The following CSMD1 variants were observed in gnomAD, a reference collection of about 807,000 sequenced individuals.
The protein encoded by CSMD1 is CUB and sushi domain-containing protein 1.
In CSMD1, 213 loss-of-function variants were observed where a neutral mutation model predicts 417.5. The observed-to-expected ratio is 0.51, with a 90% CI of 0.46 to 0.57. The LOEUF is 0.57. CSMD1 is among the 20% of genes least tolerant of loss of function. CSMD1 has a pLI of 0.00. For synonymous variants in CSMD1, 2,862 were observed against 1,736.8 expected, an observed-to-expected ratio of 1.65 and a Z score of -16.11; for missense variants, 6,923 against 4,529.7, an observed-to-expected ratio of 1.53 and a Z score of -15.17.
intron 3 of CSMD1, among the ~76,000 whole-genome samples, chr8:4,091,361 C>A (rs1800711623): frequency 6.6e-6 from 1 of 151,818 alleles, no homozygotes; most frequent in African/African-American, 2.4e-5. Flanking sequence ...TTGAAATGTC[C>A]ATGGAAGAAA....
chr8:3,557,720 C>G (rs1209478161), intron 10 of CSMD1, among the ~76,000 whole-genome samples: 2 of 152,166 alleles, frequency 1.3e-5, no homozygotes, highest in African/African-American at 2.4e-5. Context: ...ACAGCTTCCT[C>G]TACCTGTGGA....
chr8:4,113,061 C>A (rs754608129), intron 3 of CSMD1, among the ~76,000 whole-genome samples: 42 of 152,126 alleles, frequency 2.8e-4, no homozygotes, highest in Non-Finnish European at 5.6e-4. Flanking sequence ...GGGGATGCCA[C>A]AAACACCCCC....
chr8:4,414,965 A>T (rs76445718), intron 3 of CSMD1, among the ~76,000 whole-genome samples: 1 of 152,152 alleles, frequency 6.6e-6, no homozygotes, highest in African/African-American at 2.4e-5. Flanking sequence ...TTGGGACAAT[A>T]TAACTATCAC....
At chr8:4,080,545 G>A (rs1334855536) in intron 3 of CSMD1, among the ~76,000 whole-genome samples, 1 of 152,114 alleles carries the variant, frequency 6.6e-6, no homozygotes, top group Non-Finnish European at 1.5e-5. Flanking sequence ...CAACACATAG[G>A]TTTCTCCAGA....
At chr8:3,316,689 G>T (rs372639853) in intron 23 of CSMD1, among the ~76,000 whole-genome samples, 2 of 152,096 alleles carry the variant, frequency 1.3e-5, no homozygotes, top group Admixed American at 6.6e-5. Context: ...AACGTGTGGC[G>T]GTTGTGATGG....
intron 2 of CSMD1, among the ~76,000 whole-genome samples, chr8:4,446,290 G>A (rs377437363): frequency 1.2e-4 from 19 of 152,180 alleles, no homozygotes; most frequent in African/African-American, 1.7e-4. Flanking sequence ...GCTCATGCCC[G>A]TAATCCTGCT....
chr8:4,872,967 A>T (rs1432168522), intron 1 of CSMD1, among the ~76,000 whole-genome samples: 1 of 152,090 alleles, frequency 6.6e-6, no homozygotes, highest in African/African-American at 2.4e-5. Flanking sequence ...GGCAAACAAA[A>T]ATTGTATATA....
chr8:3,979,311 T>C (rs1813677634), intron 5 of CSMD1, among the ~76,000 whole-genome samples: 1 of 152,144 alleles, frequency 6.6e-6, no homozygotes, highest in Non-Finnish European at 1.5e-5. Flanking sequence ...GTAACAGAGG[T>C]GTGAATCAGG....
chr8:2,954,754 T>C (rs1157207248), intron 64 of CSMD1, among the ~76,000 whole-genome samples: 1 of 152,258 alleles, frequency 6.6e-6, no homozygotes, highest in Non-Finnish European at 1.5e-5. Context: ...ATTTACGTCA[T>C]AATTTCTTAG....
chr8:3,943,668 G>T (rs1051275802), intron 5 of CSMD1, among the ~76,000 whole-genome samples: 1 of 151,998 alleles, frequency 6.6e-6, no homozygotes, highest in Non-Finnish European at 1.5e-5. Context: ...GTCAACAGGG[G>T]TCCCCTGCTA....
intron 3 of CSMD1, among the ~76,000 whole-genome samples, chr8:4,094,082 G>A (rs1276894452): frequency 1.3e-5 from 2 of 152,086 alleles, no homozygotes; most frequent in African/African-American, 2.4e-5. Context: ...TGGAAGTGAC[G>A]CTGTGTGGAT....
intron 2 of CSMD1, among the ~76,000 whole-genome samples, chr8:4,580,984 T>C (rs1799388757): frequency 1.3e-5 from 2 of 152,208 alleles, no homozygotes; most frequent in South Asian, 4.1e-4. Flanking sequence ...CCTCAGTCCT[T>C]ATTCCAGTGC....
chr8:4,432,618 T>G (rs1797931696), intron 2 of CSMD1, among the ~76,000 whole-genome samples: 1 of 152,110 alleles, frequency 6.6e-6, no homozygotes, highest in South Asian at 2.1e-4. Flanking sequence ...AAACGAAGCC[T>G]CAGAGATCCT....
intron 1 of CSMD1, among the ~76,000 whole-genome samples, chr8:4,841,602 A>G (rs955051309): frequency 2.0e-5 from 3 of 152,168 alleles, no homozygotes; most frequent in Admixed American, 6.5e-5. Flanking sequence ...GAGATTTAAG[A>G]AAATAATCAT....
chr8:4,788,258 T>G (rs1252619089), intron 1 of CSMD1: 1 of 1,585,768 alleles, frequency 6.3e-7, no homozygotes, highest in Non-Finnish European at 8.6e-7. Context: ...AAGCTGAGTA[T>G]GAAAGGGATG....
At chr8:3,174,270 G>A (rs1302492519) in intron 37 of CSMD1, among the ~76,000 whole-genome samples, 1 of 152,220 alleles carries the variant, frequency 6.6e-6, no homozygotes, top group South Asian at 2.1e-4. Context: ...GAGGTGCAAA[G>A]ATGGCTTAAG....
chr8:4,833,643 G>C (rs925113155), intron 1 of CSMD1, among the ~76,000 whole-genome samples: 1 of 152,182 alleles, frequency 6.6e-6, no homozygotes, highest in African/African-American at 2.4e-5. Flanking sequence ...CTCTGCAACA[G>C]AGTAGACAAC....
At chr8:4,033,872 G>A (rs577527710) in intron 3 of CSMD1, among the ~76,000 whole-genome samples, 1 of 152,170 alleles carries the variant, frequency 6.6e-6, no homozygotes, top group Non-Finnish European at 1.5e-5. Context: ...ACATCATTCA[G>A]TTGAATGGAT....
At chr8:4,047,095 C>A in intron 3 of CSMD1, among the ~76,000 whole-genome samples, 1 of 152,132 alleles carries the variant, frequency 6.6e-6, no homozygotes, top group East Asian at 1.9e-4. Flanking sequence ...GTCTCTATGG[C>A]ATTGAAGCTG....
Sources: gnomAD v4.1 joint callset for allele counts (sites outside exome capture counted in the v4.1 genomes callset) on GRCh38, gnomAD v4.1.1 for gene constraint, MANE v1.5 for transcripts, NCBI Gene and HGNC (gene_info 2026-07-23, HGNC 2026-07-21) for gene names.